Variants in MYCBP2 observed in about 807,000 individuals in gnomAD.
MYCBP2 encodes E3 ubiquitin-protein ligase MYCBP2.
MYCBP2 carries 120 observed loss-of-function variants against 525.3 expected under a neutral mutation model. The observed-to-expected ratio is 0.23, with a 90% CI of 0.20 to 0.27. MYCBP2 has a LOEUF of 0.27. Among genes scored for constraint, MYCBP2 ranks in the 10% least tolerant of loss-of-function variants. The pLI, the probability that MYCBP2 is intolerant of heterozygous loss-of-function variation, is 1.00. For synonymous variants in MYCBP2, 1,894 were observed against 1,955.8 expected (o/e 0.97, Z 0.83); for missense variants, 4,149 against 5,657.1 (o/e 0.73, Z 8.55).
chr13:77,144,325 A>T (rs2055175439), intron 49 of MYCBP2, 120 bp downstream of exon 49: 1 of 675,952 alleles, frequency 1.5e-6, no homozygotes, highest in Non-Finnish European at 2.6e-6. Context: ...AAGGCCTCAA[A>T]TAAGTTATGA....
intron 46 of MYCBP2, among the ~76,000 whole-genome samples, 180 bp from the exon 47 acceptor site, chr13:77,151,129 C>A (rs1269286880): frequency 1.3e-5 from 2 of 152,054 alleles, no homozygotes; most frequent in Non-Finnish European, 2.9e-5. Flanking sequence ...GATGGGTTGA[C>A]AATATGAACC....
chr13:77,068,473 T>C (rs1235537901), intron 70 of MYCBP2, 92 bp downstream of exon 70: 3 of 1,431,932 alleles, frequency 2.1e-6, no homozygotes, highest in Non-Finnish European at 2.8e-6. Context: ...AAATCTATAC[T>C]TAGGGTCCTT....
chr13:77,079,404 G>T (rs2042900470), intron 65 of MYCBP2, among the ~76,000 whole-genome samples: 1 of 152,098 alleles, frequency 6.6e-6, no homozygotes, highest in Admixed American at 6.6e-5. Flanking sequence ...CAAAATAAAT[G>T]TCAAACAGTA....
chr13:77,278,704 A>G lies in MYCBP2; in HGVS notation c.748+54T>C, dbSNP rs771835015. The G allele has an allele frequency of 3.0e-4, 422 of 1,388,202 alleles. 3 individuals are homozygous for G. The highest frequency in any genetic ancestry group is 5.7e-5 in the Admixed American group (2 of 34,960). 86.0% of individuals were successfully genotyped at this position (1,388,202 alleles called of 1,614,324 possible). On this transcript the variant is annotated intron_variant, in intron 4 of 82. Transcript: ENST00000544440. ...ACAATTTTGAAGTGTACAATACTCT[A>G]TTATTAATTATATTCACTTTTAAAT...
intron 1 of MYCBP2, among the ~76,000 whole-genome samples, chr13:77,314,887 C>A (rs1567235845): frequency 6.6e-6 from 1 of 151,960 alleles, no homozygotes; most frequent in Admixed American, 6.6e-5. Context: ...AATCTCTGTA[C>A]CCTCTTCTCA....
intron 52 of MYCBP2, among the ~76,000 whole-genome samples, chr13:77,137,915 C>T (rs986607834): frequency 1.3e-5 from 2 of 152,014 alleles, no homozygotes; most frequent in African/African-American, 4.8e-5. Context: ...AAAACCAACT[C>T]CCCCTTGCCC....
At chr13:77,181,272 G>A (rs1255350850) in intron 33 of MYCBP2, among the ~76,000 whole-genome samples, 1 of 152,094 alleles carries the variant, frequency 6.6e-6, no homozygotes, top group East Asian at 1.9e-4. Context: ...ATTATTTACA[G>A]TGCTTATTTT....
intron 55 of MYCBP2, chr13:77,100,371 T>C (rs2046888595): frequency 6.6e-6 from 1 of 152,116 alleles, no homozygotes; most frequent in Non-Finnish European, 1.5e-5. Flanking sequence ...TCTTCACTGA[T>C]GTAATACCAA....
At chr13:77,186,802 A>ATTTT (rs5804893) in intron 30 of MYCBP2, among the ~76,000 whole-genome samples, 3 of 120,436 alleles carry the variant, frequency 2.5e-5, no homozygotes, top group Admixed American at 9.1e-5. Context: ...TATAGATTCA[A>ATTTT]TTTTTTTTTT....
At position 77,257,894 on chromosome 13, in the gene MYCBP2, T is replaced by A; in HGVS notation, c.2018-65A>T. 2.2e-6 allele frequency: 3 copies of A among 1,348,190 alleles called. No homozygotes were observed. In the East Asian group the frequency reaches 7.3e-5, roughly 33 times the overall value. The allele number at this position is 1,348,190 out of a possible 1,614,324, so 83.5% of individuals were successfully genotyped here. Reference sequence around the variant, plus strand: ...GCCCTTCTGAGCCTAGTAAAAGAACTACCTCAATGCAGAACCGTTTATTTC... The same window carrying A: ...GCCCTTCTGAGCCTAGTAAAAGAACAACCTCAATGCAGAACCGTTTATTTC... On this transcript the variant is annotated intron_variant, in intron 13 of 82. Transcript: ENST00000544440.
chr13:77,311,841 T>A (rs573777402), intron 1 of MYCBP2, among the ~76,000 whole-genome samples: 3 of 152,110 alleles, frequency 2.0e-5, no homozygotes, highest in Admixed American at 1.3e-4. Flanking sequence ...AAAGACACAA[T>A]GGTAGAAAAC....
chr13:77,147,046 G>T (rs1420381409), intron 47 of MYCBP2, among the ~76,000 whole-genome samples: 2 of 152,134 alleles, frequency 1.3e-5, no homozygotes, highest in Admixed American at 1.3e-4. Context: ...CAGTTAAAAT[G>T]AATGACCTAT....
intron 8 of MYCBP2, among the ~76,000 whole-genome samples, chr13:77,265,580 A>C (rs1225046726): frequency 6.6e-6 from 1 of 152,166 alleles, no homozygotes; most frequent in African/African-American, 2.4e-5. Flanking sequence ...ACAAGCTGGA[A>C]CATGAAGCTC....
intron 43 of MYCBP2, among the ~76,000 whole-genome samples, 157 bp from the exon 44 acceptor site, chr13:77,162,112 A>G (rs1398526783): frequency 1.3e-5 from 2 of 152,212 alleles, no homozygotes; most frequent in Non-Finnish European, 2.9e-5. Context: ...AGTGGCATAC[A>G]GTTTAATATA....
chr13:77,256,123 G>A (rs546550800), intron 14 of MYCBP2, among the ~76,000 whole-genome samples: 19 of 152,172 alleles, frequency 1.2e-4, no homozygotes, highest in African/African-American at 4.6e-4. Context: ...TGAAGAAGGT[G>A]TGTCTACAAT....
rs1301944117 is a variant in MYCBP2, at chr13:77,132,665, C to T, written c.7660-6123G>A. Reference sequence around the variant, plus strand: ...TATAAACTTTCTCTTCCACTCAACCCCCCTCACAATGTTAAAAGATCTCAT... The same window carrying T: ...TATAAACTTTCTCTTCCACTCAACCTCCCTCACAATGTTAAAAGATCTCAT... On this transcript the variant is annotated intron_variant, in intron 52 of 82. Coordinates refer to ENST00000544440, the MANE Select transcript of MYCBP2 (RefSeq NM_015057.5). Among the ~76,000 whole-genome samples, 4 of 152,078 alleles carry T rather than the reference C, an allele frequency of 2.6e-5. No individual in the cohort carries two copies. In the East Asian group the frequency reaches 7.7e-4, roughly 29 times the overall value.
chr13:77,182,302 A>G (rs2060285896), intron 32 of MYCBP2, among the ~76,000 whole-genome samples: 1 of 152,230 alleles, frequency 6.6e-6, no homozygotes, highest in South Asian at 2.1e-4. Context: ...TATTTTTCTC[A>G]AATAATAAAT....
At chr13:77,269,213 T>C (rs2074516516) in intron 7 of MYCBP2, among the ~76,000 whole-genome samples, 1 of 152,226 alleles carries the variant, frequency 6.6e-6, no homozygotes, top group African/African-American at 2.4e-5. Flanking sequence ...ATATTCTTCA[T>C]GCAGGTAGCT....
At chr13:77,169,395 C>CAAAA (rs371575329) in intron 39 of MYCBP2, among the ~76,000 whole-genome samples, 2 of 33,756 alleles carry the variant, frequency 5.9e-5, no homozygotes, top group Non-Finnish European at 1.3e-4. Context: ...GACTCCGTCT[C>CAAAA]AAAAAAAAAA....
Sources: allele counts gnomAD v4.1 joint callset (sites outside exome capture counted in the v4.1 genomes callset), GRCh38; gene constraint gnomAD v4.1.1; transcripts MANE v1.5; gene names NCBI Gene and HGNC (gene_info 2026-07-23, HGNC 2026-07-21).